Variants in EHMT1 observed in about 807,000 individuals in gnomAD.
The protein encoded by EHMT1 is histone-lysine N-methyltransferase EHMT1.
A neutral mutation model predicts 147.2 loss-of-function variants in EHMT1; 15 were observed. The ratio of observed to expected loss-of-function variants is 0.10; its 90% CI spans 0.07 to 0.16. The LOEUF (loss-of-function observed/expected upper bound fraction) is 0.16, where lower values mean the gene tolerates loss of function less well. Ranked by LOEUF, EHMT1 falls within the 10% of genes least tolerant of loss-of-function variation. EHMT1 has a pLI of 1.00. For missense variants in EHMT1, 1,587 were observed against 1,772.4 expected (o/e 0.90, Z 1.88); for synonymous variants, 795 against 709.6 (o/e 1.12, Z -1.91).
chr9:137,751,863 A>T (rs1564691994), intron 6 of EHMT1, among the ~76,000 whole-genome samples: 1 of 152,130 alleles, frequency 6.6e-6, no homozygotes, highest in Non-Finnish European at 1.5e-5. Context: ...CGAGGATTGG[A>T]CTGGGATCAT....
chr9:137,759,577 G>A (rs1322757811), intron 9 of EHMT1, among the ~76,000 whole-genome samples: 1 of 152,246 alleles, frequency 6.6e-6, no homozygotes, highest in African/African-American at 2.4e-5. Flanking sequence ...AAAGCCGGAG[G>A]AGAAATGGCA....
chr9:137,715,196 G>C (rs1945099489), intron 2 of EHMT1, among the ~76,000 whole-genome samples: 1 of 152,060 alleles, frequency 6.6e-6, no homozygotes, highest in Admixed American at 6.5e-5. Flanking sequence ...CTTTCCCTTT[G>C]GTGTCACCTG....
rs191995177 is a variant in EHMT1 at position 137,731,480 on chromosome 9, G to A, written c.823+2951G>A. Among the ~76,000 whole-genome samples the A allele has an allele frequency of 2.0e-5, 3 of 152,306 alleles. No homozygotes were observed. Among genetic ancestry groups the A allele is most frequent in the Admixed American group, 2.0e-4 (3 of 15,296 alleles). ...TGGAAAGACAGGAGTGCAGATGGAG[G>A]AGTCCCCTGTTAACTGTCCCCGGGG... On this transcript the variant is annotated intron_variant, in intron 4 of 26. Transcript: ENST00000460843. This position sits in a 1 kb window ranked among gnomAD's most constrained non-coding sequence, Gnocchi z 4.3.
intron 14 of EHMT1, among the ~76,000 whole-genome samples, chr9:137,781,461 A>G (rs376827863): frequency 2.5e-4 from 37 of 150,676 alleles, no homozygotes; most frequent in Middle Eastern, 3.4e-3. Context: ...GATGATGCTG[A>G]GATGTGTGGT....
Position 137,686,399 on chromosome 9 carries a change from T to A in EHMT1, c.22-24568T>A, listed in dbSNP as rs562975164. Among the ~76,000 whole-genome samples, 5 of 152,262 alleles carry A rather than the reference T, an allele frequency of 3.3e-5. No homozygotes were observed. The East Asian group carries it at 9.6e-4, about 29-fold the overall frequency. On this transcript the variant is annotated intron_variant, in intron 1 of 26. Coordinates refer to ENST00000460843, the MANE Select transcript of EHMT1 (RefSeq NM_024757.5). The stretch of plus-strand genomic sequence containing the variant: ...AGTTTTAAAAATTTTTTTAATTTTT[T>A]TATTTTTTGAGGCAGGGTCTCGCTC...
At chr9:137,799,798 T>C (rs1953296826) in intron 17 of EHMT1, among the ~76,000 whole-genome samples, 1 of 152,246 alleles carries the variant, frequency 6.6e-6, no homozygotes, top group South Asian at 2.1e-4. Flanking sequence ...GTCTGTGATA[T>C]GCTCAAAGGC....
intron 1 of EHMT1, among the ~76,000 whole-genome samples, chr9:137,658,374 C>T (rs577615522): frequency 5.9e-5 from 9 of 152,226 alleles, no homozygotes; most frequent in Admixed American, 2.0e-4. Flanking sequence ...TGGTGTCGAA[C>T]GCCTGAGCTC....
chr9:137,737,106 A>G (rs577756921), intron 4 of EHMT1, among the ~76,000 whole-genome samples: 40 of 152,166 alleles, frequency 2.6e-4, no homozygotes, highest in African/African-American at 8.4e-4. Flanking sequence ...CCAGAGCCCC[A>G]GAGGCTGAGG....
intron 10 of EHMT1, among the ~76,000 whole-genome samples, chr9:137,771,465 G>GT (rs1950579205): frequency 6.6e-6 from 1 of 152,128 alleles, no homozygotes; most frequent in Admixed American, 6.5e-5. Context: ...GTTTACAGCC[G>GT]TGAGCCATTG....
At position 137,775,004 on chromosome 9, in the gene EHMT1, A is replaced by C; in HGVS notation, c.1648-105A>C. 6.5e-7 allele frequency: 1 copy of C among 1,544,130 alleles called. No individual in the cohort carries two copies. Among genetic ancestry groups the C allele is most frequent in the Admixed American group, 1.7e-5 (1 of 59,762 alleles). ...GCAGGGCTCGGCTCAGTCAGCCCAC[A>C]CCTGCTGAGCAGCTCTTGTGTGCCT... On this transcript the variant is annotated intron_variant, in intron 10 of 26. Transcript: ENST00000460843. This position sits in a 1 kb window ranked among gnomAD's most constrained non-coding sequence, Gnocchi z 6.1.
At chr9:137,662,224 G>A (rs1314454375) in intron 1 of EHMT1, among the ~76,000 whole-genome samples, 1 of 151,982 alleles carries the variant, frequency 6.6e-6, no homozygotes, top group South Asian at 2.1e-4. Flanking sequence ...TCCAGACAGG[G>A]TTTCACTCTG....
At chr9:137,672,734 C>T (rs1255287144) in intron 1 of EHMT1, among the ~76,000 whole-genome samples, 1 of 152,190 alleles carries the variant, frequency 6.6e-6, no homozygotes, top group Non-Finnish European at 1.5e-5. Context: ...TCAAAATAGT[C>T]AACTCCTTAG....
At chr9:137,693,384 C>A (rs1943105056) in intron 1 of EHMT1, among the ~76,000 whole-genome samples, 1 of 152,164 alleles carries the variant, frequency 6.6e-6, no homozygotes, top group East Asian at 1.9e-4. Flanking sequence ...GCAGCCCCCG[C>A]ATAGCCTGCT....
intron 1 of EHMT1, among the ~76,000 whole-genome samples, chr9:137,688,282 C>T (rs938946658): frequency 6.6e-6 from 1 of 152,222 alleles, no homozygotes; most frequent in African/African-American, 2.4e-5. Context: ...CCTCGGCCTT[C>T]CAAAGTGCTG....
chr9:137,699,340 A>G (rs1049428371), intron 1 of EHMT1, among the ~76,000 whole-genome samples: 1 of 152,224 alleles, frequency 6.6e-6, no homozygotes, highest in Non-Finnish European at 1.5e-5. Context: ...GATGAAAAAT[A>G]ATGTTGTCCT....
intron 1 of EHMT1, among the ~76,000 whole-genome samples, chr9:137,656,122 A>G (rs1203673010): frequency 1.3e-5 from 2 of 152,172 alleles, no homozygotes; most frequent in Admixed American, 6.5e-5. Context: ...GCTCACACCT[A>G]TAATCCCAGC....
intron 1 of EHMT1, among the ~76,000 whole-genome samples, chr9:137,679,531 G>T (rs1437015284): frequency 6.6e-6 from 1 of 152,162 alleles, no homozygotes; most frequent in Non-Finnish European, 1.5e-5. Flanking sequence ...GCGCTGGGAG[G>T]TGTTTCCTCC....
At chr9:137,725,321 G>A (rs1946521327) in intron 3 of EHMT1, among the ~76,000 whole-genome samples, 1 of 152,216 alleles carries the variant, frequency 6.6e-6, no homozygotes, top group South Asian at 2.1e-4. Flanking sequence ...TGGCCTTCGT[G>A]GGGCTTTCAG....
At chr9:137,772,513 G>A (rs1247971816) in intron 10 of EHMT1, among the ~76,000 whole-genome samples, 2 of 152,174 alleles carry the variant, frequency 1.3e-5, no homozygotes, top group African/African-American at 2.4e-5. Context: ...GCTCCGCCTC[G>A]CCAGCTCTGT....
Sources: allele counts gnomAD v4.1 joint callset (sites outside exome capture counted in the v4.1 genomes callset), GRCh38; gene constraint gnomAD v4.1.1; non-coding constraint Gnocchi (gnomAD v3.1); transcripts MANE v1.5; gene names NCBI Gene and HGNC (gene_info 2026-07-23, HGNC 2026-07-21).